HPSE2: variants seen among roughly 807,000 people sequenced by gnomAD.
HPSE2 encodes the protein heparanase 2 (inactive).
In HPSE2, 38 loss-of-function variants were observed where a neutral mutation model predicts 60.5. The ratio of observed to expected loss-of-function variants is 0.63; its 90% confidence interval spans 0.48 to 0.82. The LOEUF is 0.82. Among genes scored for constraint, HPSE2 ranks in the 40% least tolerant of loss-of-function variants. The pLI, the probability that HPSE2 is intolerant of heterozygous loss-of-function variation, is 0.00. For missense variants in HPSE2, 713 were observed against 740.4 expected (o/e 0.96, Z 0.43); for synonymous variants, 295 against 293.2 (o/e 1.01, Z -0.06).
In HPSE2 at chr10:98,936,559, T is replaced by A. The variant is rs534137743; in HGVS notation, c.611-192503A>T. Among the ~76,000 whole-genome samples the A allele has an allele frequency of 2.9e-4, 42 of 143,336 alleles. 9 individuals carry two copies. Among genetic ancestry groups the A allele is most frequent in the African/African-American group, 1.1e-3 (40 of 35,306 alleles). The allele number at this position is 143,336 out of a possible 152,430, so 94.0% of individuals were successfully genotyped here. On this transcript the variant is annotated intron_variant, in intron 3 of 11. Coordinates refer to ENST00000370552, the MANE Select transcript of HPSE2 (RefSeq NM_021828.5). ...GGGAGGTGCCCCCAACTCCGTGCAC[T>A]TCCCAGGTGAAGTGACGCCCCACCC...
At chr10:98,960,435 A>G (rs1955623066) in intron 3 of HPSE2, among the ~76,000 whole-genome samples, 1 of 152,116 alleles carries the variant, frequency 6.6e-6, no homozygotes, top group Non-Finnish European at 1.5e-5. Context: ...TACTTTCTAA[A>G]TTCATTTATT....
At chr10:98,514,781 C>A (rs1306985598) in intron 9 of HPSE2, among the ~76,000 whole-genome samples, 1 of 141,386 alleles carries the variant, frequency 7.1e-6, no homozygotes, top group African/African-American at 2.7e-5. Context: ...TGCAGTGGTG[C>A]GATCTCAGCT....
intron 3 of HPSE2, among the ~76,000 whole-genome samples, chr10:98,900,761 T>C (rs1399057209): frequency 1.3e-5 from 2 of 152,200 alleles, no homozygotes; most frequent in Admixed American, 1.3e-4. Flanking sequence ...CATACATTAC[T>C]TGAAGGAATG....
At chr10:99,026,012 G>A (rs952959288) in intron 3 of HPSE2, among the ~76,000 whole-genome samples, 28 of 151,994 alleles carry the variant, frequency 1.8e-4, no homozygotes, top group African/African-American at 2.9e-4. Flanking sequence ...TCATGTGAGC[G>A]GAGAAAATTG....
At chr10:98,852,683 C>T (rs537161922) in intron 3 of HPSE2, among the ~76,000 whole-genome samples, 37 of 152,314 alleles carry the variant, frequency 2.4e-4, no homozygotes, top group Middle Eastern at 3.4e-3. Context: ...GCTTCAATCA[C>T]GCCTATTCAA....
chr10:98,624,266 G>T (rs1242007119), intron 7 of HPSE2, among the ~76,000 whole-genome samples: 1 of 152,118 alleles, frequency 6.6e-6, no homozygotes, highest in Non-Finnish European at 1.5e-5. Context: ...TTGACAAGAG[G>T]GTAAGGTCAG....
At chr10:99,053,719 CTTTTTTTTTTTTTTTTTT>C (rs11301458) in intron 3 of HPSE2, among the ~76,000 whole-genome samples, 1 of 57,784 alleles carries the variant, frequency 1.7e-5, no homozygotes, top group Non-Finnish European at 2.9e-5. Flanking sequence ...GAGTTACAGT[CTTTTTTTTTTTTTTTTTT>C]TTTTTTTTTT....
chr10:98,593,610 A>C (rs1461488251), intron 9 of HPSE2, among the ~76,000 whole-genome samples: 1 of 152,212 alleles, frequency 6.6e-6, no homozygotes, highest in Non-Finnish European at 1.5e-5. Context: ...GACAGAGACT[A>C]AAGTAATGAC....
Position 98,974,029 on chromosome 10 carries a change from G to A in HPSE2, c.610+170209C>T, listed in dbSNP as rs890476716. Among the ~76,000 whole-genome samples the A allele has an allele frequency of 1.0e-3, 156 of 152,156 alleles. 1 individual carries two copies. Among genetic ancestry groups the A allele is most frequent in the Admixed American group, 9.3e-3 (142 of 15,302 alleles). ...TTGTAGGCTGGGCATGGTGGCTCAC[G>A]CCTGTAATCCCAGCACTTTGGGAGG... On this transcript the variant is annotated intron_variant, in intron 3 of 11. Transcript: ENST00000370552.
At chr10:98,735,780 A>G (rs1352377040) in intron 4 of HPSE2, among the ~76,000 whole-genome samples, 1 of 152,142 alleles carries the variant, frequency 6.6e-6, no homozygotes, top group East Asian at 1.9e-4. Flanking sequence ...AATTTCTCCC[A>G]TTTGGAACAG....
intron 3 of HPSE2, among the ~76,000 whole-genome samples, chr10:98,850,932 T>C (rs1311223192): frequency 6.6e-6 from 1 of 152,034 alleles, no homozygotes; most frequent in African/African-American, 2.4e-5. Flanking sequence ...CTAAGATAAT[T>C]GGAAGAAATA....
rs143928883 is a variant in HPSE2, at chr10:99,207,684, A to G, written c.448+24664T>C. Among the ~76,000 whole-genome samples, 11 of 152,272 alleles carry G rather than the reference A, an allele frequency of 7.2e-5. No homozygotes were observed. In the East Asian group the frequency reaches 2.1e-3, roughly 29 times the overall value. On this transcript the variant is annotated intron_variant, in intron 2 of 11. Coordinates refer to ENST00000370552, the MANE Select transcript of HPSE2 (RefSeq NM_021828.5). ...ATAACATGTGGAGGGAGTAGAGTGA[A>G]GGTGTTGAGTTGTTTTATGTGATCG... is the stretch of plus-strand genomic sequence containing the variant.
intron 2 of HPSE2, among the ~76,000 whole-genome samples, chr10:99,151,453 C>A (rs1462651992): frequency 6.6e-6 from 1 of 151,988 alleles, no homozygotes; most frequent in Non-Finnish European, 1.5e-5. Flanking sequence ...CAAAAACATT[C>A]AAAATTTGAT....
At chr10:98,504,789 CAA>C (rs60134699) in intron 9 of HPSE2, among the ~76,000 whole-genome samples, 9 of 61,992 alleles carry the variant, frequency 1.5e-4, no homozygotes, top group Admixed American at 1.8e-4. Context: ...GACTCCGTCT[CAA>C]AAAAAAAAAA....
At chr10:98,819,427 T>TTTG (rs1261135498) in intron 3 of HPSE2, among the ~76,000 whole-genome samples, 1 of 151,288 alleles carries the variant, frequency 6.6e-6, no homozygotes, top group Non-Finnish European at 1.5e-5. Context: ...CATTCTTTTT[T>TTTG]TTTTTTTTTT....
chr10:98,571,940 C>CTTTTTTTT (rs1554943112), intron 9 of HPSE2, among the ~76,000 whole-genome samples: 1 of 140,730 alleles, frequency 7.1e-6, no homozygotes, highest in African/African-American at 2.7e-5. Context: ...AATTCCTTTT[C>CTTTTTTTT]TTTTTTTTTT....
chr10:99,194,813 AAAG>A (rs1848337982), intron 2 of HPSE2, among the ~76,000 whole-genome samples: 1 of 152,106 alleles, frequency 6.6e-6, no homozygotes, highest in African/African-American at 2.4e-5. Context: ...TTAAACATTT[AAAG>A]AAGAACTATT....
rs372806349 is a variant in HPSE2 at position 98,696,751 on chromosome 10, C to A, written c.957-2804G>T. Among the ~76,000 whole-genome samples the A allele has an allele frequency of 3.9e-5, 6 of 152,182 alleles. No individual in the cohort carries two copies. The East Asian group carries it at 7.7e-4, about 20-fold the overall frequency. On this transcript the variant is annotated intron_variant, in intron 5 of 11. Coordinates refer to ENST00000370552, the MANE Select transcript of HPSE2 (RefSeq NM_021828.5). ...TCCTTAGGGGAGGGGCGACAGCCAA[C>A]TCTGGGACCCATAGCTGCCTAACAC...
intron 3 of HPSE2, among the ~76,000 whole-genome samples, chr10:98,853,876 G>A (rs1340628437): frequency 6.6e-6 from 1 of 152,094 alleles, no homozygotes; most frequent in Non-Finnish European, 1.5e-5. Flanking sequence ...TATGAGATAC[G>A]TGAAATTGTT....
Sources: allele counts gnomAD v4.1 joint callset (sites outside exome capture counted in the v4.1 genomes callset), GRCh38; gene constraint gnomAD v4.1.1; transcripts MANE v1.5; gene names NCBI Gene and HGNC (gene_info 2026-07-23, HGNC 2026-07-21).